Variants in CDH18 observed in about 807,000 individuals in gnomAD.
CDH18 encodes cadherin-18.
CDH18 carries 31 observed loss-of-function variants against 67.9 expected under a neutral mutation model. That is an observed-to-expected ratio of 0.46 (90% CI 0.34 to 0.62). The LOEUF is 0.62. Ranked by LOEUF, CDH18 falls within the 20% of genes least tolerant of loss-of-function variation. The pLI, the probability that CDH18 is intolerant of heterozygous loss-of-function variation, is 0.01. For missense variants in CDH18, 890 were observed against 975.5 expected (o/e 0.91, Z 1.17); for synonymous variants, 362 against 347.2 (o/e 1.04, Z -0.48).
Position 19,612,541 on chromosome 5 carries a change from A to G in CDH18, c.704T>C (p.Val235Ala). ...DREAREHYSV[V>A]IQAKDMAGQV... Reference sequence around the variant, plus strand: ...CCCAGCCATGTCTTTGGCTTGAATGACTACGGAGTAATGTTCTCTGGCTTC... The same window carrying G: ...CCCAGCCATGTCTTTGGCTTGAATGGCTACGGAGTAATGTTCTCTGGCTTC... Residue 235 changes from valine (V) to alanine (A), a missense_variant, in exon 6 of 13, where the codon GTC becomes GCC. Around this residue, in one of 2 missense-constraint regions of CDH18, gnomAD observed 234 missense variants for 307.4 expected, o/e 0.76. Transcript: ENST00000382275. 6 of 1,614,022 alleles carry G rather than the reference A, an allele frequency of 3.7e-6. No individual in the cohort carries two copies. Among genetic ancestry groups the G allele is most frequent in the Non-Finnish European group, 5.1e-6 (6 of 1,179,944 alleles).
At chr5:19,709,699 A>AAAAAG (rs1207436239) in intron 5 of CDH18, among the ~76,000 whole-genome samples, 72 of 151,792 alleles carry the variant, frequency 4.7e-4, no homozygotes, top group Non-Finnish European at 7.5e-4. Flanking sequence ...GAAAAGGAAA[A>AAAAAG]AAAAGAAAAG....
chr5:19,766,920 T>C (rs1335226156), intron 3 of CDH18, among the ~76,000 whole-genome samples: 2 of 152,146 alleles, frequency 1.3e-5, no homozygotes, highest in Non-Finnish European at 2.9e-5. Flanking sequence ...TTTAAAGGTT[T>C]CATCTTTCCA....
intron 2 of CDH18, among the ~76,000 whole-genome samples, chr5:19,860,953 C>G (rs930645208): frequency 3.0e-4 from 46 of 152,090 alleles, no homozygotes; most frequent in African/African-American, 1.1e-3. Flanking sequence ...TGATGAAAAC[C>G]AAAAGTTCAT....
intron 2 of CDH18, among the ~76,000 whole-genome samples, chr5:20,199,160 C>T (rs1739237165): frequency 6.6e-6 from 1 of 152,162 alleles, no homozygotes; most frequent in South Asian, 2.1e-4. Flanking sequence ...TCCTCCAGAT[C>T]TTAGAATGAG....
At chr5:20,555,133 G>A (rs1757827319) in intron 1 of CDH18, among the ~76,000 whole-genome samples, 1 of 152,104 alleles carries the variant, frequency 6.6e-6, no homozygotes. Context: ...ATTGGGATTA[G>A]TTTCCTTAAA....
chr5:19,681,979 ATTTTCT>A (rs3062935), intron 5 of CDH18, among the ~76,000 whole-genome samples: 5,160 of 151,994 alleles, frequency 0.034, 271 homozygotes, highest in African/African-American at 0.12. Flanking sequence ...TTGGTCATAA[ATTTTCT>A]TTAAGTTTCT....
chr5:19,961,199 T>C (rs980994828), intron 2 of CDH18, among the ~76,000 whole-genome samples: 1 of 150,374 alleles, frequency 6.7e-6, no homozygotes, highest in Non-Finnish European at 1.5e-5. Flanking sequence ...GCCTCCTGGG[T>C]TCATGAGATT....
At chr5:20,328,249 C>A (rs1393676315) in intron 1 of CDH18, among the ~76,000 whole-genome samples, 6 of 152,066 alleles carry the variant, frequency 3.9e-5, no homozygotes, top group South Asian at 2.1e-4. Flanking sequence ...ACTCAAAAAG[C>A]CCAGTAAGGA....
At chr5:19,793,236 T>C (rs1776544049) in intron 3 of CDH18, among the ~76,000 whole-genome samples, 1 of 152,196 alleles carries the variant, frequency 6.6e-6, no homozygotes, top group African/African-American at 2.4e-5. Context: ...GTTATTTTTT[T>C]GGTAAAAATA....
At chr5:20,501,577 TATATTA>T (rs1754307402) in intron 1 of CDH18, among the ~76,000 whole-genome samples, 1 of 11,164 alleles carries the variant, frequency 9.0e-5, no homozygotes, top group African/African-American at 2.3e-4. Context: ...ATAATATATA[TATATTA>T]TATATATATA....
chr5:19,709,835 C>T (rs920938593), intron 5 of CDH18, among the ~76,000 whole-genome samples: 10 of 151,700 alleles, frequency 6.6e-5, no homozygotes, highest in Admixed American at 6.6e-4. Flanking sequence ...AAAACATAAA[C>T]CTTAAAACCA....
chr5:20,304,153 T>G, intron 1 of CDH18: 1 of 1,560,164 alleles, frequency 6.4e-7, no homozygotes, highest in Non-Finnish European at 8.8e-7. Context: ...TCTCGTCAAT[T>G]GGTGGATTTG....
intron 5 of CDH18, among the ~76,000 whole-genome samples, chr5:19,654,007 T>A (rs1364953423): frequency 1.3e-5 from 2 of 152,174 alleles, no homozygotes; most frequent in Non-Finnish European, 1.5e-5. Context: ...TAACTAGAGC[T>A]GAGTCATTTA....
intron 2 of CDH18, among the ~76,000 whole-genome samples, chr5:20,221,910 C>T (rs551852517): frequency 1.3e-5 from 2 of 152,116 alleles, no homozygotes; most frequent in Non-Finnish European, 2.9e-5. Flanking sequence ...ATTCTTTCTT[C>T]CTTTTGCAGG....
intron 12 of CDH18, among the ~76,000 whole-genome samples, chr5:19,477,410 AT>A (rs980380603): frequency 1.3e-5 from 2 of 151,808 alleles, no homozygotes; most frequent in Admixed American, 1.3e-4. Flanking sequence ...CAAAAAAAAA[AT>A]CTCTGTGAAA....
chr5:19,661,873 ATT>A (rs1276705425), intron 5 of CDH18, among the ~76,000 whole-genome samples: 1 of 152,098 alleles, frequency 6.6e-6, no homozygotes, highest in Non-Finnish European at 1.5e-5. Flanking sequence ...TTGGTCACCC[ATT>A]TAGAAGTGCT....
chr5:20,037,253 C>T lies in CDH18; in HGVS notation c.-517-45239G>A, dbSNP rs118133869. Among the ~76,000 whole-genome samples, 2,775 of 152,030 alleles carry T rather than the reference C, an allele frequency of 0.018. 183 individuals carry two copies. In the East Asian group the frequency reaches 0.25, roughly 14 times the overall value. On this transcript the variant is annotated intron_variant, in intron 2 of 14. Coordinates refer to the CDH18 transcript ENST00000507958. ...GGTATGTTTTTACAGCAGCTGATAC[C>T]GGTATTTCCTTTCCATATTTAGTGC...
chr5:20,287,070 C>A (rs1316661694), intron 1 of CDH18, among the ~76,000 whole-genome samples: 1 of 151,670 alleles, frequency 6.6e-6, no homozygotes, highest in East Asian at 1.9e-4. Flanking sequence ...TCTTAAGTTT[C>A]TTTTTGGAAA....
chr5:19,757,293 C>T (rs1217188690), intron 3 of CDH18, among the ~76,000 whole-genome samples: 1 of 152,176 alleles, frequency 6.6e-6, no homozygotes, highest in Admixed American at 6.5e-5. Flanking sequence ...TCTGACCTTT[C>T]CATGATGGAG....
Sources: allele counts gnomAD v4.1 joint callset (sites outside exome capture counted in the v4.1 genomes callset), GRCh38; gene constraint gnomAD v4.1.1; regional missense constraint gnomAD v4.1.1; transcripts MANE v1.5; gene names NCBI Gene and HGNC (gene_info 2026-07-23, HGNC 2026-07-21).